CEP83: variants seen among roughly 807,000 people sequenced by gnomAD.
CEP83 encodes the protein centrosomal protein 83.
In CEP83, 70 loss-of-function variants were observed where a neutral mutation model predicts 101.9. That is an observed-to-expected ratio of 0.69 (90% CI 0.57 to 0.84). CEP83 has a LOEUF of 0.84. Ranked by LOEUF, CEP83 falls within the 40% of genes least tolerant of loss-of-function variation. CEP83 has a pLI of 0.00. For synonymous variants in CEP83, 264 were observed against 267.9 expected (o/e 0.99, Z 0.14); for missense variants, 715 against 787.2 (o/e 0.91, Z 1.10).
rs187237904 is a variant in CEP83, at chr12:94,319,718, T to C, written c.1708-6701A>G. On this transcript the variant is annotated intron_variant, in intron 14 of 16. Coordinates refer to ENST00000397809, the MANE Select transcript of CEP83 (RefSeq NM_016122.3). ...CTTGATTTCAATTTTTATTGTGCTG[T>C]GTGTTTGGTATTTCAGTTCTTTTGC... Among the ~76,000 whole-genome samples the C allele has an allele frequency of 2.9e-3, 441 of 152,210 alleles. 1 individual carries two copies. Among genetic ancestry groups the C allele is most frequent in the Admixed American group, 0.016 (243 of 15,278 alleles).
intron 1 of CEP83, among the ~76,000 whole-genome samples, chr12:94,449,057 G>C (rs937331571): frequency 5.7e-5 from 8 of 141,078 alleles, no homozygotes; most frequent in Non-Finnish European, 4.6e-5. Context: ...TACTGACCAA[G>C]AAAATAAGAG....
downstream of CEP83, among the ~76,000 whole-genome samples, chr12:94,302,233 G>A (rs375822675): frequency 2.6e-5 from 4 of 151,992 alleles, no homozygotes; most frequent in South Asian, 2.1e-4. Flanking sequence ...TTTCTTGCAC[G>A]CCCCACATAC....
At chr12:94,329,091 C>T (rs2059097080) in intron 14 of CEP83, among the ~76,000 whole-genome samples, 1 of 152,200 alleles carries the variant, frequency 6.6e-6, no homozygotes, top group South Asian at 2.1e-4. Flanking sequence ...ACTGAATTGA[C>T]CTTAACAATT....
chr12:94,305,690 AAAC>A (rs1968933627), downstream of CEP83: 1 of 154,946 alleles, frequency 6.5e-6, no homozygotes, highest in African/African-American at 2.4e-5. Context: ...CCAGTGCTCA[AAAC>A]AAAATGTGAA....
the CEP83 span, among the ~76,000 whole-genome samples, chr12:94,292,522 T>C: frequency 6.6e-6 from 1 of 152,172 alleles, no homozygotes; most frequent in Non-Finnish European, 1.5e-5. Flanking sequence ...TTTGAAAAAA[T>C]GTCACAGGTT....
intron 11 of CEP83, among the ~76,000 whole-genome samples, chr12:94,345,952 C>T (rs2059915597): frequency 6.6e-6 from 1 of 152,186 alleles, no homozygotes; most frequent in Non-Finnish European, 1.5e-5. Context: ...TGAAGGTAAA[C>T]AAGAACTCAC....
chr12:94,413,259 C>T (rs1449538507), intron 2 of CEP83, among the ~76,000 whole-genome samples: 3 of 152,176 alleles, frequency 2.0e-5, no homozygotes, highest in African/African-American at 7.2e-5. Flanking sequence ...TTTTCTTTAC[C>T]TCCATGCAGC....
chr12:94,328,006 C>T lies in CEP83; in HGVS notation c.1707+3694G>A, dbSNP rs186785728. On this transcript the variant is annotated intron_variant, in intron 14 of 16. Coordinates refer to ENST00000397809, the MANE Select transcript of CEP83 (RefSeq NM_016122.3). ...GGAGTAATCATGGCTTCTATTTCTC[C>T]CCAGTGTATAGTGTAATCTAGGCCA... Among the ~76,000 whole-genome samples the T allele has an allele frequency of 3.5e-3, 535 of 152,202 alleles. 1 individual carries two copies. Among genetic ancestry groups the T allele is most frequent in the African/African-American group, 0.011 (443 of 41,504 alleles).
the CEP83 span, among the ~76,000 whole-genome samples, chr12:94,284,707 T>C: frequency 6.6e-6 from 1 of 151,970 alleles, no homozygotes. Flanking sequence ...GATAGTTGGC[T>C]GTAGGGTCTG....
At chr12:94,368,832 T>C (rs1417893419) in intron 9 of CEP83, 1 of 152,206 alleles carries the variant, frequency 6.6e-6, no homozygotes, top group Non-Finnish European at 1.5e-5. Context: ...AATCCATGAG[T>C]CAATAAATAG....
chr12:94,298,497 C>T, the CEP83 span: 1 of 733,686 alleles, frequency 1.4e-6, no homozygotes, highest in Admixed American at 3.4e-5. Flanking sequence ...GACAATTTTA[C>T]ATTTTTCTCT....
At position 94,378,960 on chromosome 12, in the gene CEP83, TC is replaced by T. The variant is rs1197024508; in HGVS notation, c.631del (p.Glu211AsnfsTer14). ...VDLTKDSKRV[E>X]QLAREKVYLC... ...ATAGACTTTTTCTCGAGCAAGTTGT[TC>T]CACTCGTTTGCTGTCTTTTGTGAGA... On this transcript the variant is annotated frameshift_variant, in exon 7 of 17. Transcript: ENST00000397809. LOFTEE classifies it high-confidence loss of function. The T allele has an allele frequency of 6.2e-7, 1 of 1,613,996 alleles. No homozygotes were observed. Among genetic ancestry groups the T allele is most frequent in the African/African-American group, 1.3e-5 (1 of 74,934 alleles).
chr12:94,342,408 A>C (rs1022269483), intron 11 of CEP83, among the ~76,000 whole-genome samples: 4 of 152,196 alleles, frequency 2.6e-5, no homozygotes, highest in Non-Finnish European at 4.4e-5. Context: ...GAAAAAGCAA[A>C]GAGAACAAAT....
At chr12:94,346,434 C>T (rs980454674) in intron 11 of CEP83, among the ~76,000 whole-genome samples, 2 of 141,630 alleles carry the variant, frequency 1.4e-5, no homozygotes, top group African/African-American at 2.8e-5. Flanking sequence ...GGTGACAGAG[C>T]GAGACGCCGT....
At chr12:94,426,629 C>A (rs1233709556) in intron 2 of CEP83, among the ~76,000 whole-genome samples, 2 of 152,138 alleles carry the variant, frequency 1.3e-5, no homozygotes, top group Non-Finnish European at 2.9e-5. Context: ...CAAAATATGT[C>A]ATTTCCTAAT....
intron 15 of CEP83, 97 bp from the exon 16 acceptor site, chr12:94,310,204 T>C (rs1240595856): frequency 2.1e-6 from 1 of 484,258 alleles, no homozygotes; most frequent in East Asian, 3.1e-5. Context: ...ATTTCTAAAT[T>C]ATGAGATCTA....
the CEP83 span, among the ~76,000 whole-genome samples, chr12:94,278,954 C>CA: frequency 2.0e-5 from 3 of 151,690 alleles, no homozygotes; most frequent in African/African-American, 7.3e-5. Context: ...GCCAAGATAG[C>CA]ACCATTGAAC....
At chr12:94,280,990 A>C in the CEP83 span, among the ~76,000 whole-genome samples, 2 of 152,216 alleles carry the variant, frequency 1.3e-5, no homozygotes, top group Non-Finnish European at 2.9e-5. Flanking sequence ...ACTGAAATCC[A>C]ACACCAGGCT....
chr12:94,347,989 G>A (rs2060017618), intron 11 of CEP83, among the ~76,000 whole-genome samples: 1 of 152,050 alleles, frequency 6.6e-6, no homozygotes, highest in Admixed American at 6.5e-5. Flanking sequence ...AAATTAATGA[G>A]TTAGAAAATG....
Sources: allele counts gnomAD v4.1 joint callset (sites outside exome capture counted in the v4.1 genomes callset), GRCh38; gene constraint gnomAD v4.1.1; transcripts MANE v1.5; gene names NCBI Gene and HGNC (gene_info 2026-07-23, HGNC 2026-07-21).